The following KIT variants were observed in gnomAD, a reference collection of about 807,000 sequenced individuals.
KIT encodes the protein mast/stem cell growth factor receptor Kit.
A neutral mutation model predicts 105.7 loss-of-function variants in KIT; 16 were observed. That is an observed-to-expected ratio of 0.15 (90% confidence interval 0.10 to 0.23). The LOEUF (loss-of-function observed/expected upper bound fraction) is 0.23. Among genes scored for constraint, KIT ranks in the 10% least tolerant of loss-of-function variants. The pLI, the probability that KIT is intolerant of heterozygous loss-of-function variation, is 1.00. For missense variants in KIT, 858 were observed against 1,213.8 expected, an observed-to-expected ratio of 0.71 and a Z score of 4.36; for synonymous variants, 438 against 441.1, an observed-to-expected ratio of 0.99 and a Z score of 0.09.
intron 6 of KIT, among the ~76,000 whole-genome samples, chr4:54,708,504 C>T (rs1342212472): frequency 6.6e-6 from 1 of 152,284 alleles, no homozygotes; most frequent in Admixed American, 6.5e-5. Flanking sequence ...GGCTGCAGAC[C>T]TGGCTGCACG....
At position 54,738,700 on chromosome 4, in the gene KIT, A is replaced by G; in HGVS notation, c.*143A>G. 1 of 1,046,164 alleles carries G rather than the reference A, an allele frequency of 9.6e-7. No homozygotes were observed. The highest frequency in any genetic ancestry group is 1.3e-5 in the South Asian group (1 of 78,804). The allele number at this position is 1,046,164 out of a possible 1,614,324, so 64.8% of individuals were successfully genotyped here. ...AATCCTGTCTTTCTGAGCACACTTT[A>G]GTGGCCGATGATTTTTGTCATCAGC... On this transcript the variant is annotated 3_prime_UTR_variant, in exon 21 of 21. Coordinates refer to ENST00000288135, the MANE Select transcript of KIT (RefSeq NM_000222.3).
intron 1 of KIT, among the ~76,000 whole-genome samples, chr4:54,664,715 C>T (rs11733357): frequency 0.28 from 43,078 of 151,632 alleles, 7,301 homozygotes; most frequent in Admixed American, 0.4. Context: ...TCAAGTGATC[C>T]TCTCATCTCA....
chr4:54,681,825 A>AG (rs1249086796), intron 1 of KIT, among the ~76,000 whole-genome samples: 3 of 151,974 alleles, frequency 2.0e-5, no homozygotes, highest in Non-Finnish European at 4.4e-5. Context: ...GGATCACCTG[A>AG]GGCCAGGAGT....
intron 7 of KIT, among the ~76,000 whole-genome samples, chr4:54,714,695 A>G (rs1248707536): frequency 6.6e-6 from 1 of 152,230 alleles, no homozygotes; most frequent in Non-Finnish European, 1.5e-5. Flanking sequence ...ATGATCTGGT[A>G]GCATTTCCAG....
In KIT at chr4:54,733,266, G is replaced by A. The variant is rs2109802686; in HGVS notation, c.2484+74G>A. The A allele has an allele frequency of 2.0e-6, 3 of 1,532,410 alleles. No homozygotes were observed. The Admixed American group carries it at 5.0e-5, about 26-fold the overall frequency. 94.9% of individuals were successfully genotyped at this position (1,532,410 alleles called of 1,614,324 possible). A position where few individuals can be genotyped will look rare whatever the true frequency, so the allele number is the denominator to read the frequency against. Reference sequence around the variant, plus strand: ...CAACTTTCGATAAAAATTGTTTCCTGTGATTTTCATAATGTAAATCCTGTC... The same window carrying A: ...CAACTTTCGATAAAAATTGTTTCCTATGATTTTCATAATGTAAATCCTGTC... On this transcript the variant is annotated intron_variant, in intron 17 of 20. Transcript: ENST00000288135.
intron 1 of KIT, among the ~76,000 whole-genome samples, chr4:54,677,994 G>T (rs900457828): frequency 3.3e-5 from 5 of 152,154 alleles, no homozygotes; most frequent in Non-Finnish European, 5.9e-5. Context: ...TATTTTATTT[G>T]CACGTTGATT....
intron 4 of KIT, among the ~76,000 whole-genome samples, chr4:54,701,230 A>G (rs1295928259): frequency 1.3e-5 from 2 of 152,206 alleles, no homozygotes; most frequent in Non-Finnish European, 2.9e-5. Context: ...TGCACCTCCA[A>G]GGGTTAAGGA....
rs1720999560 is a variant in KIT at position 54,709,454 on chromosome 4, A to G, written c.1146A>G (p.Leu382=). The change falls in exon 7 of 21, where the codon TTA becomes TTG. Residue 382 remains leucine, a synonymous_variant. Transcript: ENST00000288135. The part of the protein sequence containing the change: ...RYVSELHLTR[L]KGTEGGTYTF... ...TAAGTGAACTTCATCTAACGAGATTAAAAGGCACCGAAGGAGGCACTTACA... is the reference window on the plus strand; with the variant it reads ...TAAGTGAACTTCATCTAACGAGATTGAAAGGCACCGAAGGAGGCACTTACA... The G allele has an allele frequency of 1.9e-6, 3 of 1,612,662 alleles. No individual in the cohort carries two copies. The highest frequency in any genetic ancestry group is 1.3e-5 in the African/African-American group (1 of 75,034).
At chr4:54,675,201 C>T (rs1380249592) in intron 1 of KIT, among the ~76,000 whole-genome samples, 2 of 152,160 alleles carry the variant, frequency 1.3e-5, no homozygotes, top group Non-Finnish European at 2.9e-5. Flanking sequence ...TGACCTCTTA[C>T]CCCTCTGCTT....
At chr4:54,705,684 A>G (rs967289093) in intron 5 of KIT, among the ~76,000 whole-genome samples, 5 of 151,936 alleles carry the variant, frequency 3.3e-5, no homozygotes, top group African/African-American at 1.2e-4. Flanking sequence ...GGAGTTTGAA[A>G]CCAGCCTGAG....
At chr4:54,669,149 C>G (rs1717916409) in intron 1 of KIT, among the ~76,000 whole-genome samples, 1 of 152,080 alleles carries the variant, frequency 6.6e-6, no homozygotes, top group Non-Finnish European at 1.5e-5. Flanking sequence ...TGTATATGTG[C>G]AGCTGGGAAA....
In KIT at chr4:54,707,304, G is replaced by T. The variant is rs1577967534; in HGVS notation, c.1115+17G>T. 1 of 1,566,410 alleles carries T rather than the reference G, an allele frequency of 6.4e-7. No homozygotes were observed. Among genetic ancestry groups the T allele is most frequent in the East Asian group, 2.2e-5 (1 of 44,632 alleles). The stretch of plus-strand genomic sequence containing the variant: ...TAATATCAGGTAAGAAATGGACCTT[G>T]CCCTGGGGGATTACACATTACCCCC... On this transcript the variant is annotated intron_variant, in intron 6 of 20. Transcript: ENST00000288135.
At position 54,716,205 on chromosome 4, in the gene KIT, T is replaced by C. The variant is rs532283087; in HGVS notation, c.1231+6666T>C. 2.5e-3 allele frequency among the ~76,000 whole-genome samples: 386 copies of C among 152,346 alleles called. 2 individuals carry two copies. The highest frequency in any genetic ancestry group is 4.3e-3 in the Non-Finnish European group (291 of 68,034). On this transcript the variant is annotated intron_variant, in intron 7 of 20. Coordinates refer to ENST00000288135, the MANE Select transcript of KIT (RefSeq NM_000222.3). The stretch of plus-strand genomic sequence containing the variant: ...GACTTCCTCTTATAGTAAATAATTG[T>C]AAATTTTAAACGTTAAATAAAGTGC...
intron 1 of KIT, among the ~76,000 whole-genome samples, chr4:54,666,219 A>G (rs972611825): frequency 2.0e-5 from 3 of 152,186 alleles, no homozygotes; most frequent in Non-Finnish European, 4.4e-5. Flanking sequence ...GAACAAAATG[A>G]GAGTCATTTA....
intron 1 of KIT, among the ~76,000 whole-genome samples, chr4:54,687,135 C>A (rs1719362810): frequency 6.6e-6 from 1 of 152,134 alleles, no homozygotes; most frequent in South Asian, 2.1e-4. Context: ...ATATGAAAGA[C>A]TGTTTAAAAT....
chr4:54,665,403 A>G (rs1318181516), intron 1 of KIT, among the ~76,000 whole-genome samples: 1 of 152,158 alleles, frequency 6.6e-6, no homozygotes, highest in South Asian at 2.1e-4. Flanking sequence ...TGCGAGCTAC[A>G]TGTTGGGGAG....
At position 54,729,412 on chromosome 4, in the gene KIT, A is replaced by G. The variant is rs924104591; in HGVS notation, c.2068A>G (p.Ile690Val). ...TTTGAGAAGAAAACGTGATTCATTT[A>G]TTTGTTCAAAGCAGGAAGATCATGC... is the stretch of plus-strand genomic sequence containing the variant. ...NFLRRKRDSF[I>V]CSKQEDHAEA... The change falls in exon 14 of 21, where the codon ATT becomes GTT. Residue 690 changes from isoleucine (I) to valine (V), a missense_variant. Physicochemically the swap from Ile to Val is conservative, Grantham distance 29. Around this residue, in one of 7 missense-constraint regions of KIT, gnomAD observed 158 missense variants for 218.7 expected, o/e 0.72. Coordinates refer to ENST00000288135, the MANE Select transcript of KIT (RefSeq NM_000222.3). The G allele has an allele frequency of 1.2e-5, 19 of 1,613,644 alleles. No individual in the cohort carries two copies. The highest frequency in any genetic ancestry group is 1.5e-5 in the Non-Finnish European group (18 of 1,179,796).
At chr4:54,725,441 T>C (rs1159677579) in intron 8 of KIT, among the ~76,000 whole-genome samples, 1 of 152,164 alleles carries the variant, frequency 6.6e-6, no homozygotes, top group East Asian at 1.9e-4. Context: ...CTCTATGCTA[T>C]TTCTTTTCAA....
intron 19 of KIT, 86 bp downstream of exon 19, chr4:54,736,906 T>G: frequency 1.0e-6 from 1 of 971,112 alleles, no homozygotes; most frequent in Non-Finnish European, 1.6e-6. Context: ...TTGAGGGTTT[T>G]CATAACACAG....
Sources: allele counts gnomAD v4.1 joint callset (sites outside exome capture counted in the v4.1 genomes callset), GRCh38; gene constraint gnomAD v4.1.1; regional missense constraint gnomAD v4.1.1; transcripts MANE v1.5; gene names NCBI Gene and HGNC (gene_info 2026-07-23, HGNC 2026-07-21).